The following XKR6 variants were observed in gnomAD, a reference collection of about 807,000 sequenced individuals.
XKR6 encodes the protein XK related 6, also known as XK-related protein 6.
A neutral mutation model predicts 56.7 loss-of-function variants in XKR6; 22 were observed. The observed-to-expected ratio is 0.39, with a 90% CI of 0.28 to 0.55. The LOEUF (loss-of-function observed/expected upper bound fraction) is 0.55. Ranked by LOEUF, XKR6 falls within the 20% of genes least tolerant of loss-of-function variation. XKR6 has a pLI of 0.66. For missense variants in XKR6, 852 were observed against 889.0 expected (o/e 0.96, Z 0.53); for synonymous variants, 524 against 387.8 (o/e 1.35, Z -4.13).
intron 1 of XKR6, among the ~76,000 whole-genome samples, chr8:11,022,850 A>C (rs1212133934): frequency 6.6e-6 from 1 of 152,164 alleles, no homozygotes; most frequent in African/African-American, 2.4e-5. Flanking sequence ...TATTTCATTG[A>C]TCAACATTTA....
intron 1 of XKR6, among the ~76,000 whole-genome samples, chr8:11,017,244 G>C (rs1222967531): frequency 1.3e-5 from 2 of 152,266 alleles, no homozygotes; most frequent in Non-Finnish European, 2.9e-5. Context: ...ATAGGAGGTA[G>C]ATGGATGGAT....
At chr8:11,099,638 G>T (rs1046998653) in intron 1 of XKR6, among the ~76,000 whole-genome samples, 1 of 152,208 alleles carries the variant, frequency 6.6e-6, no homozygotes, top group African/African-American at 2.4e-5. Flanking sequence ...GGCAATGAAG[G>T]ATTTACTCAT....
chr8:11,108,331 C>T (rs1417395378), intron 1 of XKR6: 1 of 456,146 alleles, frequency 2.2e-6, no homozygotes, highest in Non-Finnish European at 4.4e-6. Context: ...CAACAGAATC[C>T]TAAATTTCCA....
intron 1 of XKR6, among the ~76,000 whole-genome samples, chr8:11,011,387 G>A (rs1247476535): frequency 6.6e-6 from 1 of 152,198 alleles, no homozygotes; most frequent in Non-Finnish European, 1.5e-5. Flanking sequence ...TCACCAGAAG[G>A]GTACAGGTAC....
At chr8:11,045,928 A>G (rs938491798) in intron 1 of XKR6, among the ~76,000 whole-genome samples, 1 of 152,216 alleles carries the variant, frequency 6.6e-6, no homozygotes, top group Non-Finnish European at 1.5e-5. Flanking sequence ...AAAATAACAG[A>G]AAATCCCAAG....
At chr8:11,134,924 G>C (rs762557814) in intron 1 of XKR6, among the ~76,000 whole-genome samples, 2 of 151,914 alleles carry the variant, frequency 1.3e-5, no homozygotes, top group Non-Finnish European at 2.9e-5. Context: ...TAATAATACA[G>C]AAAGATATTT....
chr8:11,023,760 C>T (rs1030831816), intron 1 of XKR6, among the ~76,000 whole-genome samples: 5 of 152,192 alleles, frequency 3.3e-5, no homozygotes, highest in African/African-American at 9.7e-5. Context: ...AGGCCTCCTG[C>T]GGATCATTTC....
At position 10,897,876 on chromosome 8, in the gene XKR6, A is replaced by C; in HGVS notation, c.*76T>G. The C allele has an allele frequency of 6.7e-7, 1 of 1,489,448 alleles. No individual in the cohort carries two copies. The highest frequency in any genetic ancestry group is 2.3e-5 in the Admixed American group (1 of 43,446). The allele number at this position is 1,489,448 out of a possible 1,614,324, so 92.3% of individuals were successfully genotyped here. A position where few individuals can be genotyped will look rare whatever the true frequency, so the allele number is the denominator to read the frequency against. On this transcript the variant is annotated 3_prime_UTR_variant, in exon 3 of 3. Coordinates refer to ENST00000416569, the MANE Select transcript of XKR6 (RefSeq NM_173683.4). Reference sequence around the variant, plus strand: ...GTGGTTCTGTGTATTGGGGGAAGGGAGGGTTATATTTCTTGCAAGTGCTGT... The same window carrying C: ...GTGGTTCTGTGTATTGGGGGAAGGGCGGGTTATATTTCTTGCAAGTGCTGT...
intron 1 of XKR6, among the ~76,000 whole-genome samples, chr8:11,027,816 C>T (rs1417574482): frequency 6.6e-6 from 1 of 152,016 alleles, no homozygotes; most frequent in Non-Finnish European, 1.5e-5. Context: ...TTAAAAATAT[C>T]CCCTCCCCCT....
At chr8:10,910,086 T>C (rs945583903) in intron 2 of XKR6, among the ~76,000 whole-genome samples, 5 of 152,074 alleles carry the variant, frequency 3.3e-5, no homozygotes, top group African/African-American at 1.2e-4. Flanking sequence ...TAGGGGACAT[T>C]TGTCGACATC....
At chr8:11,042,112 G>C (rs1799300574) in intron 1 of XKR6, among the ~76,000 whole-genome samples, 1 of 152,140 alleles carries the variant, frequency 6.6e-6, no homozygotes, top group South Asian at 2.1e-4. Context: ...ACCAATAGGA[G>C]GCATTCTAAA....
chr8:10,972,125 G>A (rs921382857), intron 1 of XKR6, among the ~76,000 whole-genome samples: 1 of 152,030 alleles, frequency 6.6e-6, no homozygotes, highest in Non-Finnish European at 1.5e-5. Context: ...AGTGCCTTCC[G>A]ACCCCGACTG....
At chr8:11,045,292 TG>T (rs961190184) in intron 1 of XKR6, among the ~76,000 whole-genome samples, 3 of 151,900 alleles carry the variant, frequency 2.0e-5, no homozygotes, top group African/African-American at 7.3e-5. Context: ...TTCACCATGT[TG>T]ACTAGGCTGG....
chr8:11,051,958 A>G (rs1799560698), intron 1 of XKR6, among the ~76,000 whole-genome samples: 1 of 152,188 alleles, frequency 6.6e-6, no homozygotes, highest in Non-Finnish European at 1.5e-5. Flanking sequence ...GGCGTGTTGC[A>G]CAGGTATGCG....
chr8:10,984,271 A>G (rs1797800969), intron 1 of XKR6, among the ~76,000 whole-genome samples: 1 of 152,226 alleles, frequency 6.6e-6, no homozygotes, highest in African/African-American at 2.4e-5. Flanking sequence ...ATTCTCAATC[A>G]AAATAAAACT....
chr8:10,966,213 G>A (rs1429674817), intron 1 of XKR6, among the ~76,000 whole-genome samples: 1 of 152,160 alleles, frequency 6.6e-6, no homozygotes, highest in Non-Finnish European at 1.5e-5. Context: ...CATTCAGTAT[G>A]TCGAGGGTAG....
rs973815067 is a variant in XKR6 at position 11,068,228 on chromosome 8, C to T, written c.764+132348G>A. On this transcript the variant is annotated intron_variant, in intron 1 of 2. Transcript: ENST00000416569. ...CCCTCCCAGCTCCATCATCTCAGAC[C>T]GTCGGAGATAAGGGGGCCTTGGTGA... Among the ~76,000 whole-genome samples, 32 of 152,120 alleles carry T rather than the reference C, an allele frequency of 2.1e-4. 1 individual carries two copies. The highest frequency in any genetic ancestry group is 4.2e-4 in the South Asian group (2 of 4,818).
At chr8:11,061,769 C>G (rs570980152) in intron 1 of XKR6, among the ~76,000 whole-genome samples, 1 of 152,224 alleles carries the variant, frequency 6.6e-6, no homozygotes, top group South Asian at 2.1e-4. Flanking sequence ...CCACTTGGCC[C>G]AAAGAATGAG....
rs904607027 is a variant in XKR6, at chr8:11,108,411, AC to A, written c.764+92164del. On this transcript the variant is annotated intron_variant, in intron 1 of 2. Transcript: ENST00000416569. Reference sequence around the variant, plus strand: ...ATACCCCAAGACATAAGAAAAAGTCACACTTAGGGAGAAAATCTTCATAATT... The same window carrying A: ...ATACCCCAAGACATAAGAAAAAGTCAACTTAGGGAGAAAATCTTCATAATT... 3.4e-5 allele frequency: 15 copies of A among 436,222 alleles called. No individual in the cohort carries two copies. The Admixed American group carries it at 4.1e-4, about 12-fold the overall frequency. The allele number at this position is 436,222 out of a possible 1,614,324, so 27.0% of individuals were successfully genotyped here.
Sources: allele counts gnomAD v4.1 joint callset (sites outside exome capture counted in the v4.1 genomes callset), GRCh38; gene constraint gnomAD v4.1.1; transcripts MANE v1.5; gene names NCBI Gene and HGNC (gene_info 2026-07-23, HGNC 2026-07-21).